ZDHHC18: variants seen among roughly 807,000 people sequenced by gnomAD.
The protein encoded by ZDHHC18 is zDHHC palmitoyltransferase 18.
In ZDHHC18, 23 loss-of-function variants were observed where a neutral mutation model predicts 37.5. The ratio of observed to expected loss-of-function variants is 0.61; its 90% CI spans 0.44 to 0.87. The LOEUF (loss-of-function observed/expected upper bound fraction) is 0.87. ZDHHC18 is among the 40% of genes least tolerant of loss of function. ZDHHC18 has a pLI of 0.00. For synonymous variants in ZDHHC18, 185 were observed against 218.7 expected (o/e 0.85, Z 1.36); for missense variants, 406 against 525.6 (o/e 0.77, Z 2.22).
At chr1:26,842,133 CAAAA>C (rs958757844) in intron 2 of ZDHHC18, among the ~76,000 whole-genome samples, 6 of 100,046 alleles carry the variant, frequency 6.0e-5, no homozygotes, top group African/African-American at 1.7e-4. Flanking sequence ...GACTCCATCT[CAAAA>C]AAAAAAAAAA....
chr1:26,850,745 C>A lies in ZDHHC18; in HGVS notation c.833+139C>A. On this transcript the variant is annotated intron_variant, in intron 5 of 7. Transcript: ENST00000374142. This position sits in a 1 kb window ranked among gnomAD's most constrained non-coding sequence, Gnocchi z 6.1. ...TCCAGAATCCAACATGCCAGCTCTTCTGTTCACACCCAGGCAAGAGCTGAT... is the reference window on the plus strand; with the variant it reads ...TCCAGAATCCAACATGCCAGCTCTTATGTTCACACCCAGGCAAGAGCTGAT... The A allele has an allele frequency of 9.6e-7, 1 of 1,043,434 alleles. No individual in the cohort carries two copies. The highest frequency in any genetic ancestry group is 1.4e-6 in the Non-Finnish European group (1 of 707,260). The allele number at this position is 1,043,434 out of a possible 1,614,324, so 64.6% of individuals were successfully genotyped here. A position where few individuals can be genotyped will look rare whatever the true frequency, so the allele number is the denominator to read the frequency against.
intron 6 of ZDHHC18, 23 bp downstream of exon 6, chr1:26,851,254 C>T: frequency 6.2e-7 from 1 of 1,610,194 alleles, no homozygotes; most frequent in East Asian, 2.2e-5. Flanking sequence ...GGAGCCACCC[C>T]TCATTCTAGG....
chr1:26,832,643 A>C (rs1439790473), intron 2 of ZDHHC18, 36 bp downstream of exon 2: 1 of 1,604,582 alleles, frequency 6.2e-7, no homozygotes, highest in Non-Finnish European at 8.5e-7. Flanking sequence ...CTGGGTCTCC[A>C]TAGCTCCACA....
chr1:26,834,815 ATTTGTGTG>A (rs527764143), intron 2 of ZDHHC18, among the ~76,000 whole-genome samples: 3 of 152,186 alleles, frequency 2.0e-5, no homozygotes, highest in Non-Finnish European at 4.4e-5. Context: ...GGGTTTGTTC[ATTTGTGTG>A]TTAATTCTAT....
At chr1:26,843,803 A>G (rs578009930) in intron 2 of ZDHHC18, among the ~76,000 whole-genome samples, 1 of 151,986 alleles carries the variant, frequency 6.6e-6, no homozygotes, top group African/African-American at 2.4e-5. Flanking sequence ...AAAAAAAGGT[A>G]TAGAAATTTT....
At chr1:26,828,928 A>G (rs913556042) in intron 1 of ZDHHC18, among the ~76,000 whole-genome samples, 1 of 152,162 alleles carries the variant, frequency 6.6e-6, no homozygotes, top group African/African-American at 2.4e-5. Context: ...TGGTTGACCC[A>G]CATGACCCTG....
chr1:26,826,986 G>T lies in ZDHHC18; in HGVS notation c.182G>T (p.Ser61Ile). The change falls in exon 1 of 8, where the codon AGC becomes ATC. Residue 61 changes from serine (S) to isoleucine (I), a missense_variant. Transcript: ENST00000374142. The surrounding 1 kb of genome is among the most constrained non-coding windows in gnomAD (Gnocchi z 5.2). ...AGCGGCAGCGGCAGCGGGAGCGGGA[G>T]CCTCGGCCGCCGCCCACGGCGCAAG... ...SGSGSGSGSG[S>I]LGRRPRRKWE... The T allele has an allele frequency of 4.1e-6, 5 of 1,227,858 alleles. No homozygotes were observed. In the South Asian group the frequency reaches 1.6e-4, roughly 40 times the overall value. The allele number at this position is 1,227,858 out of a possible 1,614,324, so 76.1% of individuals were successfully genotyped here. A position where few individuals can be genotyped will look rare whatever the true frequency, so the allele number is the denominator to read the frequency against.
In ZDHHC18 at chr1:26,848,408, G is replaced by A. The variant is rs78690929; in HGVS notation, c.497-200G>A. Among the ~76,000 whole-genome samples the A allele has an allele frequency of 6.1e-3, 934 of 152,210 alleles. 5 individuals carry two copies. The highest frequency in any genetic ancestry group is 0.021 in the African/African-American group (877 of 41,536). On this transcript the variant is annotated intron_variant, in intron 2 of 7. Transcript: ENST00000374142. ...TAAGGCCGGCAGGTGTATGAACAGA[G>A]GCAGTCTCAGTACATGGTGGCAGTT...
intron 1 of ZDHHC18, among the ~76,000 whole-genome samples, chr1:26,828,420 C>A (rs1462763237): frequency 6.6e-6 from 1 of 151,950 alleles, no homozygotes; most frequent in Non-Finnish European, 1.5e-5. Flanking sequence ...TAGTACCCAC[C>A]CCGTAAGGTT....
At chr1:26,828,858 T>C (rs2081571268) in intron 1 of ZDHHC18, among the ~76,000 whole-genome samples, 1 of 152,066 alleles carries the variant, frequency 6.6e-6, no homozygotes, top group South Asian at 2.1e-4. Context: ...TCCCCTGGGC[T>C]GCCCTCTCAG....
At chr1:26,840,334 CTGA>C (rs1438821166) in intron 2 of ZDHHC18, among the ~76,000 whole-genome samples, 1 of 152,222 alleles carries the variant, frequency 6.6e-6, no homozygotes, top group East Asian at 1.9e-4. Context: ...ATAATAATGG[CTGA>C]TATTTGTTAA....
rs992661287 is a variant in ZDHHC18 at position 26,857,159 on chromosome 1, C to T, written c.*3316C>T. On this transcript the variant is annotated 3_prime_UTR_variant, in exon 8 of 8. Coordinates refer to ENST00000374142, the MANE Select transcript of ZDHHC18 (RefSeq NM_032283.3). ...TGCTCCCTCTCTCCTCCACTGACTT[C>T]CCCTTCCCGGATTTGTGAGGTGTCA... 5.2e-5 allele frequency: 8 copies of T among 152,476 alleles called. No individual in the cohort carries two copies. The highest frequency in any genetic ancestry group is 1.9e-4 in the African/African-American group (8 of 41,468). The allele number at this position is 152,476 out of a possible 1,614,324, so 9.4% of individuals were successfully genotyped here.
intron 1 of ZDHHC18, among the ~76,000 whole-genome samples, chr1:26,829,331 C>T (rs1051318704): frequency 2.0e-5 from 3 of 152,066 alleles, no homozygotes; most frequent in African/African-American, 7.2e-5. Flanking sequence ...GCCAGAGTGC[C>T]CTTTTGATTC....
chr1:26,829,012 G>T (rs950121843), intron 1 of ZDHHC18, among the ~76,000 whole-genome samples: 5 of 152,152 alleles, frequency 3.3e-5, no homozygotes, highest in Non-Finnish European at 7.3e-5. Flanking sequence ...CTTCACTGGT[G>T]ACTGTTTTGT....
chr1:26,828,332 A>G lies in ZDHHC18; in HGVS notation c.335+1193A>G, dbSNP rs1158789998. The stretch of plus-strand genomic sequence containing the variant: ...GGTTCAAATCCCAGCTCCACCACCC[A>G]CTAATTGCGTGACCTCAGGGCAGTC... On this transcript the variant is annotated intron_variant, in intron 1 of 7. Transcript: ENST00000374142. Among the ~76,000 whole-genome samples the G allele has an allele frequency of 4.0e-5, 6 of 151,758 alleles. No individual in the cohort carries two copies. In the South Asian group the frequency reaches 8.3e-4, roughly 21 times the overall value.
rs1338277117 is a variant in ZDHHC18 at position 26,850,263 on chromosome 1, C to T, written c.647-38C>T. On this transcript the variant is annotated intron_variant, in intron 3 of 7. Transcript: ENST00000374142. The surrounding 1 kb of genome is among the most constrained non-coding windows in gnomAD (Gnocchi z 6.1). ...CCAAATGCCTGTGCTGGCTGCAGGC[C>T]AGCCCACACTAACCCATCGCCCCTT... The T allele has an allele frequency of 1.2e-6, 2 of 1,607,232 alleles. No individual in the cohort carries two copies. Among genetic ancestry groups the T allele is most frequent in the African/African-American group, 1.3e-5 (1 of 74,734 alleles).
chr1:26,844,696 TA>T (rs544076870), intron 2 of ZDHHC18, among the ~76,000 whole-genome samples: 27 of 152,284 alleles, frequency 1.8e-4, no homozygotes, highest in African/African-American at 6.5e-4. Context: ...TGGTATGTTT[TA>T]TTTTTTTTCA....
At chr1:26,836,629 C>G (rs1295383654) in intron 2 of ZDHHC18, among the ~76,000 whole-genome samples, 3 of 146,994 alleles carry the variant, frequency 2.0e-5, no homozygotes, top group African/African-American at 7.5e-5. Flanking sequence ...AGTGCAGTGG[C>G]ACAATCTCAG....
chr1:26,845,312 T>G, intron 2 of ZDHHC18, among the ~76,000 whole-genome samples: 1 of 145,094 alleles, frequency 6.9e-6, no homozygotes, highest in Non-Finnish European at 1.5e-5. Context: ...AAAGGTTACT[T>G]CTTCATTCTT....
Sources: gnomAD v4.1 joint callset for allele counts (sites outside exome capture counted in the v4.1 genomes callset) on GRCh38, gnomAD v4.1.1 for gene constraint, Gnocchi (gnomAD v3.1) non-coding constraint, MANE v1.5 for transcripts, NCBI Gene and HGNC (gene_info 2026-07-23, HGNC 2026-07-21) for gene names.